Variants in ANK1 observed in about 807,000 individuals in gnomAD.
The protein encoded by ANK1 is ankyrin 1, also known as ankyrin-1.
A neutral mutation model predicts 210.4 loss-of-function variants in ANK1; 51 were observed. That is an observed-to-expected ratio of 0.24 (90% CI 0.19 to 0.31). The LOEUF is 0.31. Ranked by LOEUF, ANK1 falls within the 10% of genes least tolerant of loss-of-function variation. The pLI, the probability that ANK1 is intolerant of heterozygous loss-of-function variation, is 1.00. For synonymous variants in ANK1, 967 were observed against 1,025.9 expected (o/e 0.94, Z 1.10); for missense variants, 2,051 against 2,504.4 (o/e 0.82, Z 3.86).
upstream of ANK1, among the ~76,000 whole-genome samples, chr8:41,798,671 C>T (rs1849312401): frequency 6.6e-6 from 1 of 152,188 alleles, no homozygotes. Context: ...AGCTGAGCTG[C>T]GGGGCCAGGG....
chr8:41,788,808 C>T (rs1846996263), intron 1 of ANK1: 1 of 152,210 alleles, frequency 6.6e-6, no homozygotes, highest in East Asian at 1.9e-4. Context: ...ACTCAGAAAG[C>T]TTTGTGGGCT....
At chr8:41,845,577 G>C (rs892391954) in intron 1 of ANK1, among the ~76,000 whole-genome samples, 5 of 151,864 alleles carry the variant, frequency 3.3e-5, no homozygotes, top group Admixed American at 2.6e-4. Context: ...CTGGGGCTTG[G>C]GGGGGTCTGG....
chr8:41,739,929 CAT>C (rs989732733), intron 2 of ANK1, among the ~76,000 whole-genome samples: 8 of 152,090 alleles, frequency 5.3e-5, no homozygotes, highest in Non-Finnish European at 1.2e-4. Context: ...CTTATTACAA[CAT>C]GTTAGGCTGG....
intron 1 of ANK1, among the ~76,000 whole-genome samples, chr8:41,815,349 C>T (rs1029149954): frequency 2.0e-5 from 3 of 152,070 alleles, no homozygotes; most frequent in African/African-American, 7.2e-5. Context: ...GACTACAAAA[C>T]ACCCTTGTTG....
intron 1 of ANK1, among the ~76,000 whole-genome samples, chr8:41,774,521 G>T (rs1485731539): frequency 6.6e-6 from 1 of 152,238 alleles, no homozygotes; most frequent in Non-Finnish European, 1.5e-5. Context: ...GGGCCGTGCT[G>T]CAGAAAAAAG....
intron 1 of ANK1, among the ~76,000 whole-genome samples, chr8:41,849,180 G>T (rs1331452801): frequency 6.6e-6 from 1 of 152,218 alleles, no homozygotes; most frequent in African/African-American, 2.4e-5. Flanking sequence ...ATCTTCGAAG[G>T]CCTAACGGAA....
chr8:41,838,791 T>TAATAATAATAATAATAATAAA (rs1430700716), intron 1 of ANK1, among the ~76,000 whole-genome samples: 1 of 144,896 alleles, frequency 6.9e-6, no homozygotes, highest in African/African-American at 2.6e-5. Context: ...ATAATAATAA[T>TAATAATAATAATAATAATAAA]AAAGGCCGGG....
At chr8:41,814,329 C>T (rs556334504) in intron 1 of ANK1, among the ~76,000 whole-genome samples, 16 of 149,078 alleles carry the variant, frequency 1.1e-4, no homozygotes, top group Non-Finnish European at 1.9e-4. Flanking sequence ...CACTGCACTC[C>T]AGCTTGGGCA....
intron 1 of ANK1, among the ~76,000 whole-genome samples, chr8:41,767,371 GC>G: frequency 6.6e-6 from 1 of 151,386 alleles, no homozygotes; most frequent in East Asian, 2.0e-4. Flanking sequence ...CTGCCCTGTC[GC>G]GCTGCCATCG....
chr8:41,715,168 A>C, intron 14 of ANK1, 94 bp from the exon 15 acceptor site: 1 of 1,183,554 alleles, frequency 8.4e-7, no homozygotes, highest in Non-Finnish European at 1.2e-6. Flanking sequence ...CTCCGCTGGC[A>C]TGGAGAGGCC....
intron 23 of ANK1, among the ~76,000 whole-genome samples, chr8:41,698,460 T>C (rs1009705204): frequency 6.6e-6 from 1 of 152,248 alleles, no homozygotes; most frequent in African/African-American, 2.4e-5. Context: ...GCTCTGTATT[T>C]CTTTCTAACA....
chr8:41,874,935 G>A (rs1005588748), intron 1 of ANK1, among the ~76,000 whole-genome samples: 1 of 152,180 alleles, frequency 6.6e-6, no homozygotes, highest in South Asian at 2.1e-4. Flanking sequence ...ATAACCCCAC[G>A]GTCTGACTAT....
chr8:41,802,861 G>A (rs185307401), intron 1 of ANK1, among the ~76,000 whole-genome samples: 102 of 142,520 alleles, frequency 7.2e-4, no homozygotes, highest in African/African-American at 1.6e-3. Flanking sequence ...CGCAGTGAGC[G>A]ATGATCATGC....
intron 1 of ANK1, among the ~76,000 whole-genome samples, chr8:41,769,093 G>A (rs1842479327): frequency 6.6e-6 from 1 of 152,234 alleles, no homozygotes; most frequent in Non-Finnish European, 1.5e-5. Context: ...CAAAGATCAA[G>A]AGAAAAGGCC....
Position 41,704,300 on chromosome 8 carries a change from A to C in ANK1, c.2196+74T>G, listed in dbSNP as rs979253319. On this transcript the variant is annotated intron_variant, in intron 19 of 42. Transcript: ENST00000289734. The surrounding 1 kb of genome is among the most constrained non-coding windows in gnomAD (Gnocchi z 4.1). ...ATGGTCAAAACCCTAGTGCTCCCAG[A>C]GCAGCTCTGGCTTTACCCTGATGTG... 10 of 1,487,248 alleles carry C rather than the reference A, an allele frequency of 6.7e-6. No individual in the cohort carries two copies. In the African/African-American group the frequency reaches 1.4e-4, roughly 21 times the overall value. The allele number at this position is 1,487,248 out of a possible 1,614,324, so 92.1% of individuals were successfully genotyped here.
At chr8:41,836,632 G>T (rs1272185836) in intron 1 of ANK1, among the ~76,000 whole-genome samples, 1 of 152,258 alleles carries the variant, frequency 6.6e-6, no homozygotes, top group Non-Finnish European at 1.5e-5. Context: ...CCTCTCAAAA[G>T]GAGGGTAAGA....
chr8:41,723,883 G>A (rs55744850), intron 7 of ANK1, among the ~76,000 whole-genome samples: 3,015 of 150,028 alleles, frequency 0.02, 37 homozygotes, highest in Non-Finnish European at 0.026. Context: ...TCCGCCTCCC[G>A]GGTTCACGCC....
chr8:41,790,052 C>T (rs370311433), intron 1 of ANK1, among the ~76,000 whole-genome samples: 1 of 152,112 alleles, frequency 6.6e-6, no homozygotes, highest in East Asian at 1.9e-4. Flanking sequence ...GCCTCCAGGT[C>T]CACTGTAAGT....
At chr8:41,853,914 C>A (rs933538763) in intron 1 of ANK1, among the ~76,000 whole-genome samples, 4 of 152,276 alleles carry the variant, frequency 2.6e-5, no homozygotes, top group African/African-American at 9.6e-5. Context: ...GCAGGAGCCA[C>A]CGCACTTGAC....
Sources: gnomAD v4.1 joint callset for allele counts (sites outside exome capture counted in the v4.1 genomes callset) on GRCh38, gnomAD v4.1.1 for gene constraint, Gnocchi (gnomAD v3.1) non-coding constraint, MANE v1.5 for transcripts, NCBI Gene and HGNC (gene_info 2026-07-23, HGNC 2026-07-21) for gene names.